The following PCDHA6 variants were observed in gnomAD, a reference collection of about 807,000 sequenced individuals.
PCDHA6 encodes protocadherin alpha-6.
PCDHA6 carries 55 observed loss-of-function variants against 60.3 expected under a neutral mutation model. The observed-to-expected ratio is 0.91, with a 90% CI of 0.73 to 1.14. The LOEUF (loss-of-function observed/expected upper bound fraction) is 1.14, where lower values mean the gene tolerates loss of function less well. PCDHA6 is among the 50% of genes most tolerant of loss of function. The pLI, the probability that PCDHA6 is intolerant of heterozygous loss-of-function variation, is 0.00. For missense variants in PCDHA6, 1,327 were observed against 1,256.5 expected (o/e 1.06, Z -0.85); for synonymous variants, 652 against 557.9 (o/e 1.17, Z -2.38).
In PCDHA6 at chr5:140,877,394, A is replaced by G. The variant is rs538259450; in HGVS notation, c.2394+46909A>G. 5.6e-6 allele frequency: 9 copies of G among 1,613,930 alleles called. No individual in the cohort carries two copies. In the South Asian group the frequency reaches 8.8e-5, roughly 16 times the overall value. On this transcript the variant is annotated intron_variant, in intron 1 of 3. Transcript: ENST00000529310. ...ACGACACGCATCCTGGATGAGGCGG[A>G]CGCTCCGCGCCACCGCCTGCTGGTG... is the stretch of plus-strand genomic sequence containing the variant.
At chr5:140,869,433 G>A in intron 1 of PCDHA6, 2 of 1,614,226 alleles carry the variant, frequency 1.2e-6, no homozygotes, top group Non-Finnish European at 1.7e-6. Context: ...AGGTGATCGT[G>A]GACAGGCCGC....
At chr5:140,919,166 GT>G (rs1382267419) in intron 1 of PCDHA6, among the ~76,000 whole-genome samples, 15 of 152,114 alleles carry the variant, frequency 9.9e-5, no homozygotes, top group Admixed American at 9.8e-4. Context: ...TATGTTTTTA[GT>G]TGCTATATCT....
chr5:140,947,570 TG>T (rs2094146227), intron 1 of PCDHA6, among the ~76,000 whole-genome samples: 1 of 151,820 alleles, frequency 6.6e-6, no homozygotes, highest in African/African-American at 2.4e-5. Flanking sequence ...ATATTGGGAA[TG>T]TTTTTAACAT....
In PCDHA6 at chr5:140,850,578, G is replaced by A. The variant is rs1554144523; in HGVS notation, c.2394+20093G>A. ...CACGGGCCCCGAGGTGACGCTGGTG[G>A]ATGTCAACGTGTACCTGATCATCGC... On this transcript the variant is annotated intron_variant, in intron 1 of 3. Transcript: ENST00000529310. 1.4e-5 allele frequency: 23 copies of A among 1,598,460 alleles called. 2 individuals carry two copies. Among genetic ancestry groups the A allele is most frequent in the Non-Finnish European group, 2.0e-5 (23 of 1,167,876 alleles).
At chr5:140,973,040 T>G (rs529820612) in intron 1 of PCDHA6, among the ~76,000 whole-genome samples, 23 of 152,264 alleles carry the variant, frequency 1.5e-4, no homozygotes, top group African/African-American at 5.5e-4. Flanking sequence ...CTTTGAGTAC[T>G]CTAGTAGATT....
intron 1 of PCDHA6, chr5:140,857,755 T>A: frequency 6.3e-7 from 1 of 1,597,184 alleles, no homozygotes; most frequent in Non-Finnish European, 8.6e-7. Flanking sequence ...CGTCTCCCGC[T>A]GGCAGCGCGG....
At chr5:140,994,636 T>C (rs1243732393) in intron 3 of PCDHA6, among the ~76,000 whole-genome samples, 1 of 151,996 alleles carries the variant, frequency 6.6e-6, no homozygotes, top group Admixed American at 6.6e-5. Flanking sequence ...ACCTGGAAGG[T>C]GGAGGTTGCA....
At chr5:140,868,281 T>G (rs2050378347) in intron 1 of PCDHA6, 1 of 152,066 alleles carries the variant, frequency 6.6e-6, no homozygotes, top group Non-Finnish European at 1.5e-5. Flanking sequence ...AACTACCAAG[T>G]TTGAGAATAT....
At chr5:140,842,434 A>C (rs2150336134) in intron 1 of PCDHA6, 2 of 1,613,586 alleles carry the variant, frequency 1.2e-6, no homozygotes, top group Non-Finnish European at 8.5e-7. Flanking sequence ...TCATCGCCCT[A>C]ATTAGCGTGA....
Position 140,828,203 on chromosome 5 carries a change from G to T in PCDHA6, c.112G>T (p.Glu38Ter). 6.2e-7 allele frequency: 1 copy of T among 1,614,078 alleles called. No homozygotes were observed. The highest frequency in any genetic ancestry group is 8.5e-7 in the Non-Finnish European group (1 of 1,180,052). ...SGQLHYSVPE[E>*]AKHGTFVGRI... ...CCAGCTCCACTACTCCGTACCCGAG[G>T]AGGCCAAACACGGCACCTTCGTGGG... is the stretch of plus-strand genomic sequence containing the variant. Residue 38 changes from glutamate to a stop codon, truncating the protein, a stop_gained, in exon 1 of 4, where the codon GAG becomes TAG. Coordinates refer to ENST00000529310, the MANE Select transcript of PCDHA6 (RefSeq NM_018909.4). LOFTEE classifies it high-confidence loss of function.
chr5:141,006,177 AAG>A (rs2098258661), intron 3 of PCDHA6, among the ~76,000 whole-genome samples: 2 of 151,826 alleles, frequency 1.3e-5, no homozygotes, highest in African/African-American at 4.8e-5. Context: ...ATATTTTTAA[AAG>A]AGTTTGCTAT....
chr5:140,877,326 G>C (rs781931363), intron 1 of PCDHA6: 3 of 1,613,964 alleles, frequency 1.9e-6, no homozygotes. Flanking sequence ...CGGTCGGCGC[G>C]CACATCCCGT....
At chr5:140,858,112 G>A (rs943720366) in intron 1 of PCDHA6, 27 of 1,597,680 alleles carry the variant, frequency 1.7e-5, no homozygotes, top group Non-Finnish European at 2.3e-5. Context: ...TGGCGCCCGA[G>A]GTGGCCCTGG....
intron 1 of PCDHA6, among the ~76,000 whole-genome samples, chr5:140,894,265 C>A (rs1328152615): frequency 6.6e-6 from 1 of 151,796 alleles, no homozygotes; most frequent in East Asian, 1.9e-4. Context: ...CAAGTGGTAG[C>A]TTATTTACAA....
intron 1 of PCDHA6, among the ~76,000 whole-genome samples, chr5:140,972,667 T>G (rs1442293512): frequency 1.3e-5 from 2 of 149,086 alleles, no homozygotes; most frequent in East Asian, 3.9e-4. Context: ...CAAATTTTTT[T>G]TTTTTTTTTT....
chr5:140,836,197 C>A (rs2150255199), intron 1 of PCDHA6: 1 of 1,613,818 alleles, frequency 6.2e-7, no homozygotes. Context: ...GGCTACAACG[C>A]GTGGCTTTCG....
intron 1 of PCDHA6, among the ~76,000 whole-genome samples, chr5:140,921,561 T>C (rs373696344): frequency 6.6e-6 from 1 of 152,194 alleles, no homozygotes; most frequent in South Asian, 2.1e-4. Context: ...AGCTCTATTA[T>C]GTTATAGTAG....
At chr5:140,850,454 C>A (rs2150484793) in intron 1 of PCDHA6, 7 of 1,597,724 alleles carry the variant, frequency 4.4e-6, no homozygotes, top group Non-Finnish European at 5.1e-6. Flanking sequence ...TGGTGAAAGA[C>A]CACGGGGAGC....
At chr5:140,965,288 T>C (rs1020237812) in intron 1 of PCDHA6, among the ~76,000 whole-genome samples, 5 of 152,216 alleles carry the variant, frequency 3.3e-5, no homozygotes, top group Non-Finnish European at 7.3e-5. Flanking sequence ...CATGGAAAGA[T>C]TTCCTCTGAT....
Sources: allele counts gnomAD v4.1 joint callset (sites outside exome capture counted in the v4.1 genomes callset), GRCh38; gene constraint gnomAD v4.1.1; transcripts MANE v1.5; gene names NCBI Gene and HGNC (gene_info 2026-07-23, HGNC 2026-07-21).